Variants in TNFAIP6 observed in about 807,000 individuals in gnomAD.
TNFAIP6 encodes TNF alpha induced protein 6.
Under a neutral mutation model 33.7 loss-of-function variants are expected in TNFAIP6, and 36 were observed. The observed-to-expected ratio is 1.07, with a 90% CI of 0.82 to 1.41. The LOEUF (loss-of-function observed/expected upper bound fraction) is 1.41. Ranked by LOEUF, TNFAIP6 falls within the 40% of genes most tolerant of loss-of-function variation. The pLI is 0.00. For synonymous variants in TNFAIP6, 113 were observed against 112.8 expected (o/e 1.00, Z -0.01); for missense variants, 273 against 331.9 (o/e 0.82, Z 1.38).
rs1320279312 is a variant in TNFAIP6, at chr2:151,370,088, T to C, written c.463T>C (p.Tyr155His). 6.2e-7 allele frequency: 1 copy of C among 1,614,076 alleles called. No homozygotes were observed. The change falls in exon 4 of 6, where the codon TAC becomes CAC. Residue 155 changes from tyrosine (Y) to histidine (H), a missense_variant. Coordinates refer to ENST00000243347, the MANE Select transcript of TNFAIP6 (RefSeq NM_007115.4). ...TAAATCTCCAGGCTTCCCAAATGAG[T>C]ACGAAGATAACCAAATCTGCTACTG... ...IFKSPGFPNE[Y>H]EDNQICYWHI...
At chr2:151,361,567 T>C in intron 1 of TNFAIP6, among the ~76,000 whole-genome samples, 1 of 152,210 alleles carries the variant, frequency 6.6e-6, no homozygotes, top group Non-Finnish European at 1.5e-5. Flanking sequence ...ACAATCTCTA[T>C]TATAATACGT....
intron 5 of TNFAIP6, among the ~76,000 whole-genome samples, chr2:151,376,106 T>C (rs964576905): frequency 6.6e-5 from 10 of 151,944 alleles, no homozygotes. Context: ...ATTAGCCCGG[T>C]GTGGTGGCAC....
At chr2:151,373,728 G>A in intron 5 of TNFAIP6, 139 bp downstream of exon 5, 1 of 402,108 alleles carries the variant, frequency 2.5e-6, no homozygotes, top group Non-Finnish European at 4.4e-6. Flanking sequence ...GATGCAGCTT[G>A]CTAGGTTGTA....
intron 1 of TNFAIP6, among the ~76,000 whole-genome samples, chr2:151,361,478 A>C (rs1684623026): frequency 6.6e-6 from 1 of 152,220 alleles, no homozygotes; most frequent in African/African-American, 2.4e-5. Context: ...AATAATTTTT[A>C]CAAAATTTGT....
At chr2:151,364,135 C>T in intron 2 of TNFAIP6, 55 bp downstream of exon 2, 1 of 1,581,248 alleles carries the variant, frequency 6.3e-7, no homozygotes, top group Non-Finnish European at 8.6e-7. Flanking sequence ...GAAAAAAATC[C>T]ATCTTTCCTA....
At chr2:151,372,170 G>T (rs1684826999) in intron 4 of TNFAIP6, 1 of 152,122 alleles carries the variant, frequency 6.6e-6, no homozygotes, top group South Asian at 2.1e-4. Flanking sequence ...CCTAAGGAGG[G>T]GTGAACCTGC....
chr2:151,379,478 G>GT lies in TNFAIP6; in HGVS notation c.780dup (p.Thr261TyrfsTer7), dbSNP rs548592176. Reference sequence around the variant, plus strand: ...AAATCCAGTCAAGGAAAAAATACAAGTACTACTTCTACTGGAAATAAAAAC... The same window carrying GT: ...AAATCCAGTCAAGGAAAAAATACAAGTTACTACTTCTACTGGAAATAAAAAC... On this transcript the variant is annotated frameshift_variant, in exon 6 of 6. Transcript: ENST00000243347. LOFTEE classifies it high-confidence loss of function. The GT allele has an allele frequency of 5.1e-5, 81 of 1,589,490 alleles. No homozygotes were observed. The East Asian group carries it at 1.8e-3, about 35-fold the overall frequency.
At chr2:151,380,272 T>G (rs1234947590), downstream of TNFAIP6, among the ~76,000 whole-genome samples, 2 of 152,184 alleles carry the variant, frequency 1.3e-5, no homozygotes, top group Admixed American at 6.5e-5. Context: ...TTTTAAAAAC[T>G]GATATAATCT....
At chr2:151,365,549 G>T (rs1326184287) in intron 2 of TNFAIP6, among the ~76,000 whole-genome samples, 1 of 152,056 alleles carries the variant, frequency 6.6e-6, no homozygotes, top group Non-Finnish European at 1.5e-5. Flanking sequence ...TGAGGCAGGA[G>T]AATTGCTTGA....
chr2:151,361,309 C>G (rs543515198), intron 1 of TNFAIP6, among the ~76,000 whole-genome samples: 1 of 152,244 alleles, frequency 6.6e-6, no homozygotes, highest in East Asian at 1.9e-4. Flanking sequence ...CTTCTAACCT[C>G]AGGTGATCCA....
At chr2:151,373,259 G>A (rs889116691) in intron 4 of TNFAIP6, among the ~76,000 whole-genome samples, 8 of 152,172 alleles carry the variant, frequency 5.3e-5, no homozygotes, top group Admixed American at 2.0e-4. Context: ...AGGTTGCGGT[G>A]AGCCGAGACT....
At chr2:151,360,217 G>A (rs1374907855) in intron 1 of TNFAIP6, among the ~76,000 whole-genome samples, 1 of 152,166 alleles carries the variant, frequency 6.6e-6, no homozygotes, top group African/African-American at 2.4e-5. Flanking sequence ...AGGATCACTT[G>A]AGCCCAAGAG....
At position 151,370,153 on chromosome 2, in the gene TNFAIP6, T is replaced by C. The variant is rs747510114; in HGVS notation, c.528T>C (p.Ser176=). 6.2e-7 allele frequency: 1 copy of C among 1,613,972 alleles called. No homozygotes were observed. Among genetic ancestry groups the C allele is most frequent in the Non-Finnish European group, 8.5e-7 (1 of 1,179,974 alleles). The change falls in exon 4 of 6, where the codon AGT becomes AGC. Residue 176 remains serine (S), a synonymous_variant. Coordinates refer to ENST00000243347, the MANE Select transcript of TNFAIP6 (RefSeq NM_007115.4). ...RLKYGQRIHL[S]FLDFDLEDDP... is the part of the protein sequence containing the mutation. ...AGTATGGTCAGCGTATTCACCTGAG[T>C]TTTTTAGATTTTGACCTTGAAGATG... is the stretch of plus-strand genomic sequence containing the variant.
chr2:151,378,935 T>C (rs184480475), intron 5 of TNFAIP6, among the ~76,000 whole-genome samples: 478 of 151,552 alleles, frequency 3.2e-3, no homozygotes, highest in Non-Finnish European at 4.8e-3. Context: ...CCGTCTCTAG[T>C]AAAAATACAA....
In TNFAIP6 at chr2:151,359,590, A is replaced by G. The variant is rs558445603; in HGVS notation, c.94+1830A>G. ...TTTTTAGTAGAGACAGAGTTTCACCATGTTAGCCAGGGTGGTCTCAATCTC... is the reference window on the plus strand; with the variant it reads ...TTTTTAGTAGAGACAGAGTTTCACCGTGTTAGCCAGGGTGGTCTCAATCTC... On this transcript the variant is annotated intron_variant, in intron 1 of 5. Coordinates refer to ENST00000243347, the MANE Select transcript of TNFAIP6 (RefSeq NM_007115.4). Among the ~76,000 whole-genome samples the G allele has an allele frequency of 5.9e-5, 9 of 152,180 alleles. No individual in the cohort carries two copies. The South Asian group carries it at 6.2e-4, about 11-fold the overall frequency.
intron 2 of TNFAIP6, 141 bp from the exon 3 acceptor site, chr2:151,365,915 A>G (rs1684700435): frequency 1.5e-6 from 1 of 689,068 alleles, no homozygotes; most frequent in African/African-American, 1.8e-5. Context: ...CTAATTAAGG[A>G]AGCAATTTTC....
Position 151,379,354 on chromosome 2 carries a change from C to T in TNFAIP6, c.665-10C>T. 2 of 1,574,830 alleles carry T rather than the reference C, an allele frequency of 1.3e-6. No individual in the cohort carries two copies. Among genetic ancestry groups the T allele is most frequent in the Non-Finnish European group, 1.7e-6 (2 of 1,166,936 alleles). On this transcript the variant is annotated splice_polypyrimidine_tract_variant and intron_variant, in intron 5 of 5. Coordinates refer to ENST00000243347, the MANE Select transcript of TNFAIP6 (RefSeq NM_007115.4). ...ACATCTTTGTTCTTTTGCCTCCTTCCCCGCAACAGGAAATGTCATGACCTT... is the reference window on the plus strand; with the variant it reads ...ACATCTTTGTTCTTTTGCCTCCTTCTCCGCAACAGGAAATGTCATGACCTT...
chr2:151,369,655 A>C (rs1420643465), intron 3 of TNFAIP6, among the ~76,000 whole-genome samples: 1 of 152,130 alleles, frequency 6.6e-6, no homozygotes, highest in African/African-American at 2.4e-5. Context: ...CATGCCTGTC[A>C]TCCCAACTAC....
chr2:151,363,175 T>C (rs1238382492), intron 1 of TNFAIP6, among the ~76,000 whole-genome samples: 1 of 151,676 alleles, frequency 6.6e-6, no homozygotes, highest in Admixed American at 6.6e-5. Flanking sequence ...AATTAGCTGA[T>C]TGTGGTGGCA....
Sources: gnomAD v4.1 joint callset for allele counts (sites outside exome capture counted in the v4.1 genomes callset) on GRCh38, gnomAD v4.1.1 for gene constraint, MANE v1.5 for transcripts, NCBI Gene and HGNC (gene_info 2026-07-23, HGNC 2026-07-21) for gene names.